Variants in EIF1 observed in about 807,000 individuals in gnomAD.
EIF1 encodes the protein eukaryotic translation initiation factor 1.
In EIF1, 4 loss-of-function variants were observed where a neutral mutation model predicts 13.7. That is an observed-to-expected ratio of 0.29 (90% CI 0.14 to 0.67). The LOEUF (loss-of-function observed/expected upper bound fraction) is 0.67. Among genes scored for constraint, EIF1 ranks in the 30% least tolerant of loss-of-function variants. The pLI is 0.77. For synonymous variants in EIF1, 67 were observed against 50.7 expected, an observed-to-expected ratio of 1.32 and a Z score of -1.37; for missense variants, 64 against 138.0, an observed-to-expected ratio of 0.46 and a Z score of 2.69.
At chr17:41,689,481 T>C in intron 1 of EIF1, 1 of 449,178 alleles carries the variant, frequency 2.2e-6, no homozygotes, top group Non-Finnish European at 4.0e-6. Context: ...CCTCGGGAGC[T>C]CGGGTTCCGG....
chr17:41,690,066 T>G (rs1482928267), intron 2 of EIF1, 22 bp from the exon 3 acceptor site: 1 of 1,613,322 alleles, frequency 6.2e-7, no homozygotes, highest in Admixed American at 1.7e-5. Context: ...TAGGCCTAAT[T>G]CGTTTTCCTT....
Position 41,689,018 on chromosome 17 carries a change from G to A in EIF1, c.-21G>A, listed in dbSNP as rs767553013. On this transcript the variant is annotated 5_prime_UTR_variant, in exon 1 of 4. Transcript: ENST00000469257. ...CCGCCTTCCGCAGGCCGTTTCCACC[G>A]AGGAAAAGGAATCGTATCGTATGTC... The A allele has an allele frequency of 2.4e-5, 38 of 1,613,100 alleles. No individual in the cohort carries two copies. The highest frequency in any genetic ancestry group is 3.2e-5 in the Non-Finnish European group (38 of 1,179,856).
At chr17:41,690,522 T>C (rs1466430182) in intron 3 of EIF1, 3 of 563,200 alleles carry the variant, frequency 5.3e-6, no homozygotes, top group East Asian at 2.9e-5. Flanking sequence ...ACTAAAATAC[T>C]GTTACATGAT....
intron 1 of EIF1, chr17:41,689,372 C>A: frequency 3.7e-6 from 2 of 545,108 alleles, no homozygotes; most frequent in Non-Finnish European, 3.2e-6. Context: ...GCGTCACGTC[C>A]GTTACGTCAC....
At position 41,691,050 on chromosome 17, in the gene EIF1, G is replaced by T. The variant is rs911852605; in HGVS notation, c.*224G>T. The T allele has an allele frequency of 1.4e-5, 8 of 573,530 alleles. No individual in the cohort carries two copies. In the South Asian group the frequency reaches 1.8e-4, roughly 13 times the overall value. 35.5% of individuals were successfully genotyped at this position (573,530 alleles called of 1,614,324 possible). ...TTTAAACAGAGGTCAAGCAATAGGC[G>T]CCTGGCAGTGTCAAGCCTGAAACCA... On this transcript the variant is annotated 3_prime_UTR_variant, in exon 4 of 4. Coordinates refer to ENST00000469257, the MANE Select transcript of EIF1 (RefSeq NM_005801.4).
In EIF1 at chr17:41,689,808, A is replaced by C; in HGVS notation, c.62A>C (p.Asp21Ala). 2 of 1,612,728 alleles carry C rather than the reference A, an allele frequency of 1.2e-6. No homozygotes were observed. Among genetic ancestry groups the C allele is most frequent in the Non-Finnish European group, 1.7e-6 (2 of 1,179,176 alleles). The stretch of plus-strand genomic sequence containing the variant: ...TTTGCTGATGCAAGTAAGGGTGATG[A>C]CCTGCTTCCTGCTGGCACTGAGGAT... ...DPFADASKGD[D>A]LLPAGTEDYI... Residue 21 changes from aspartate (D) to alanine (A), a missense_variant, in exon 2 of 4, where the codon GAC becomes GCC. Asp to Ala is a moderately radical substitution (Grantham distance 126). This residue lies in a region of EIF1 where 29 missense variants were observed against 34.7 expected (regional missense o/e 0.84). Coordinates refer to ENST00000469257, the MANE Select transcript of EIF1 (RefSeq NM_005801.4).
rs1456084395 is a variant in EIF1 at position 41,692,131 on chromosome 17, T to G, written c.*1305T>G. ...TTTTGCAAGCATTTAGCCAGAGTCA[T>G]GCTGTGCTGTTAATCAGTGTCCTGG... On this transcript the variant is annotated 3_prime_UTR_variant, in exon 4 of 4. Transcript: ENST00000469257. The G allele has an allele frequency of 6.6e-6, 1 of 152,256 alleles. No individual in the cohort carries two copies. The highest frequency in any genetic ancestry group is 2.4e-5 in the African/African-American group (1 of 41,454). 9.4% of individuals were successfully genotyped at this position (152,256 alleles called of 1,614,324 possible). A position where few individuals can be genotyped will look rare whatever the true frequency, so the allele number is the denominator to read the frequency against.
In EIF1 at chr17:41,688,915, C is replaced by G. The variant is rs933959619; in HGVS notation, c.-124C>G. 3.1e-6 allele frequency: 3 copies of G among 968,602 alleles called. No homozygotes were observed. Among genetic ancestry groups the G allele is most frequent in the Middle Eastern group, 2.4e-4 (1 of 4,200 alleles). 60.0% of individuals were successfully genotyped at this position (968,602 alleles called of 1,614,324 possible). ...AGTCACTGAGCCGCCGCCGAGGATT[C>G]AGCAGCCTCCCCCTTGAGCCCCCTC... On this transcript the variant is annotated 5_prime_UTR_variant, in exon 1 of 4. Transcript: ENST00000469257.
At position 41,688,986 on chromosome 17, in the gene EIF1, GC is replaced by G; in HGVS notation, c.-51del. 6.5e-7 allele frequency: 1 copy of G among 1,535,538 alleles called. No homozygotes were observed. The highest frequency in any genetic ancestry group is 1.1e-5 in the South Asian group (1 of 88,916). On this transcript the variant is annotated 5_prime_UTR_variant, in exon 1 of 4. Transcript: ENST00000469257. ...CCCCTGCCCGCCTTCTCCCGCCACC[GC>G]CGCCGCCGCCTTCCGCAGGCCGTTT...
In EIF1 at chr17:41,690,938, T is replaced by C. The variant is rs755095860; in HGVS notation, c.*112T>C. The C allele has an allele frequency of 8.1e-7, 1 of 1,239,822 alleles. No homozygotes were observed. The highest frequency in any genetic ancestry group is 1.2e-5 in the South Asian group (1 of 81,426). 76.8% of individuals were successfully genotyped at this position (1,239,822 alleles called of 1,614,324 possible). On this transcript the variant is annotated 3_prime_UTR_variant, in exon 4 of 4. Transcript: ENST00000469257. ...CTCACAGCTTGTATAATGTAACCAT[T>C]TGGGGTCCGCTTTTAACTTGGACTA...
intron 1 of EIF1, chr17:41,689,430 G>T: frequency 8.2e-6 from 4 of 490,090 alleles, no homozygotes; most frequent in South Asian, 5.3e-5. Flanking sequence ...AGCCCTAAGT[G>T]GCAAGCGGGT....
rs746617609 is a variant in EIF1, at chr17:41,690,892, C to T, written c.*66C>T. The T allele has an allele frequency of 5.1e-6, 8 of 1,577,394 alleles. No homozygotes were observed. In the East Asian group the frequency reaches 8.9e-5, roughly 18 times the overall value. The stretch of plus-strand genomic sequence containing the variant: ...CAATGAGTAGAATTTCCCTTCTCTC[C>T]CTTGTCACAGGTTTAAAAACCTCAC... On this transcript the variant is annotated 3_prime_UTR_variant, in exon 4 of 4. Transcript: ENST00000469257.
In EIF1 at chr17:41,690,899, A is replaced by G. The variant is rs950983894; in HGVS notation, c.*73A>G. ...TAGAATTTCCCTTCTCTCCCTTGTC[A>G]CAGGTTTAAAAACCTCACAGCTTGT... On this transcript the variant is annotated 3_prime_UTR_variant, in exon 4 of 4. Transcript: ENST00000469257. The G allele has an allele frequency of 3.8e-6, 6 of 1,568,874 alleles. No individual in the cohort carries two copies. Among genetic ancestry groups the G allele is most frequent in the Non-Finnish European group, 5.3e-6 (6 of 1,141,004 alleles).
chr17:41,689,732 C>T (rs1198442990), intron 1 of EIF1, 46 bp from the exon 2 acceptor site: 1 of 1,531,992 alleles, frequency 6.5e-7, no homozygotes, highest in Non-Finnish European at 8.8e-7. Flanking sequence ...ATGGCAGTGG[C>T]ATCCTATCTT....
intron 1 of EIF1, chr17:41,689,270 G>A (rs897850470): frequency 1.6e-6 from 1 of 640,502 alleles, no homozygotes; most frequent in African/African-American, 1.8e-5. Context: ...CAGGCGGTAG[G>A]TCAGCCCTTG....
chr17:41,692,272 A>G lies in EIF1; in HGVS notation c.*1446A>G, dbSNP rs1910404335. 1 of 152,234 alleles carries G rather than the reference A, an allele frequency of 6.6e-6. No homozygotes were observed. Among genetic ancestry groups the G allele is most frequent in the South Asian group, 2.1e-4 (1 of 4,832 alleles). The allele number at this position is 152,234 out of a possible 1,614,324, so 9.4% of individuals were successfully genotyped here. On this transcript the variant is annotated 3_prime_UTR_variant, in exon 4 of 4. Transcript: ENST00000469257. Reference sequence around the variant, plus strand: ...ACAAGGGCATTCATGCTGTGGGTTAAGATCCACAAATCGCTAGGAATGTGT... The same window carrying G: ...ACAAGGGCATTCATGCTGTGGGTTAGGATCCACAAATCGCTAGGAATGTGT...
Position 41,689,059 on chromosome 17 carries a change from C to A in EIF1, c.21C>A (p.Leu7=). 6.2e-7 allele frequency: 1 copy of A among 1,613,708 alleles called. No homozygotes were observed. Among genetic ancestry groups the A allele is most frequent in the Non-Finnish European group, 8.5e-7 (1 of 1,179,906 alleles). Residue 7 remains leucine (L), a synonymous_variant, in exon 1 of 4, where the codon CTC becomes CTA. Transcript: ENST00000469257. Reference sequence around the variant, plus strand: ...ATCGTATGTCCGCTATCCAGAACCTCCACTCTTTCGGTAAGCTATGGGAAA... The same window carrying A: ...ATCGTATGTCCGCTATCCAGAACCTACACTCTTTCGGTAAGCTATGGGAAA... The part of the protein sequence containing the change: MSAIQN[L]HSFDPFADAS...
At position 41,692,562 on chromosome 17, in the gene EIF1, ATT is replaced by A. The variant is rs1910418223; in HGVS notation, c.*1740_*1741del. 2 of 152,110 alleles carry A rather than the reference ATT, an allele frequency of 1.3e-5. No homozygotes were observed. The highest frequency in any genetic ancestry group is 4.1e-4 in the South Asian group (2 of 4,834). The allele number at this position is 152,110 out of a possible 1,614,324, so 9.4% of individuals were successfully genotyped here. ...CTACACAATAAGATTATAATACTGT[ATT>A]TTTACTGTACCTTTTAACATTGTGT... is the stretch of plus-strand genomic sequence containing the variant. On this transcript the variant is annotated 3_prime_UTR_variant, in exon 4 of 4. Transcript: ENST00000469257.
Position 41,688,992 on chromosome 17 carries a change from GC to G in EIF1, c.-45del, listed in dbSNP as rs1249590273. On this transcript the variant is annotated 5_prime_UTR_variant, in exon 1 of 4. Transcript: ENST00000469257. The stretch of plus-strand genomic sequence containing the variant: ...CCCGCCTTCTCCCGCCACCGCCGCC[GC>G]CGCCTTCCGCAGGCCGTTTCCACCG... 1 of 1,607,086 alleles carries G rather than the reference GC, an allele frequency of 6.2e-7. No individual in the cohort carries two copies. The highest frequency in any genetic ancestry group is 1.3e-5 in the African/African-American group (1 of 74,182).
Sources: allele counts gnomAD v4.1 joint callset, GRCh38; gene constraint gnomAD v4.1.1; regional missense constraint gnomAD v4.1.1; transcripts MANE v1.5; gene names NCBI Gene and HGNC (gene_info 2026-07-23, HGNC 2026-07-21).